ZMIZ1: variants seen among roughly 807,000 people sequenced by gnomAD.
ZMIZ1 encodes the protein zinc finger MIZ domain-containing protein 1.
Under a neutral mutation model 113.9 loss-of-function variants are expected in ZMIZ1, and 17 were observed. The observed-to-expected ratio is 0.15, with a 90% confidence interval of 0.10 to 0.22. The LOEUF is 0.22. ZMIZ1 is among the 10% of genes least tolerant of loss of function. The pLI, the probability that ZMIZ1 is intolerant of heterozygous loss-of-function variation, is 1.00. For missense variants in ZMIZ1, 1,059 were observed against 1,477.8 expected (o/e 0.72, Z 4.65); for synonymous variants, 607 against 603.1 (o/e 1.01, Z -0.09).
Position 79,293,580 on chromosome 10 carries a change from C to T in ZMIZ1, c.1157C>T (p.Pro386Leu), listed in dbSNP as rs777208977. ...TTTGGCACACACGGGCAGCGGATGC[C>T]CCAGCAGACCTACCCGGGCCCCCGG... ...SPFGTHGQRM[P>L]QQTYPGPRPQ... is the part of the protein sequence containing the mutation. The change falls in exon 12 of 25, where the codon CCC becomes CTC. Residue 386 changes from proline to leucine, a missense_variant. Physicochemically the swap from Pro to Leu is moderately conservative, Grantham distance 98. Transcript: ENST00000334512. 1 of 1,613,090 alleles carries T rather than the reference C, an allele frequency of 6.2e-7. No individual in the cohort carries two copies. Among genetic ancestry groups the T allele is most frequent in the Non-Finnish European group, 8.5e-7 (1 of 1,180,010 alleles).
At chr10:79,292,429 G>T in intron 11 of ZMIZ1, 73 bp downstream of exon 11, 1 of 1,556,540 alleles carries the variant, frequency 6.4e-7, no homozygotes, top group Non-Finnish European at 8.7e-7. Context: ...AACCAGAGTT[G>T]GGATGTCAGT....
rs34154193 is a variant in ZMIZ1 at position 79,303,454 on chromosome 10, CAA to C, written c.2126-538_2126-537del. On this transcript the variant is annotated intron_variant, in intron 18 of 24. Coordinates refer to ENST00000334512, the MANE Select transcript of ZMIZ1 (RefSeq NM_020338.4). ...TGGGCAACACAGCCAGACACTGCCA[CAA>C]AAAAAAAAAAAAAAAAAAAAAATTG... is the stretch of plus-strand genomic sequence containing the variant. 8.0e-3 allele frequency among the ~76,000 whole-genome samples: 527 copies of C among 65,878 alleles called. 1 individual carries two copies. Among genetic ancestry groups the C allele is most frequent in the African/African-American group, 0.028 (462 of 16,332 alleles). 43.2% of individuals were successfully genotyped at this position (65,878 alleles called of 152,430 possible).
chr10:79,120,549 CAG>C (rs1844246422), intron 2 of ZMIZ1, among the ~76,000 whole-genome samples: 1 of 152,174 alleles, frequency 6.6e-6, no homozygotes, highest in South Asian at 2.1e-4. Flanking sequence ...GCTTGAGGGC[CAG>C]CCATGTGACT....
At chr10:79,086,624 C>T (rs1002489779) in intron 1 of ZMIZ1, among the ~76,000 whole-genome samples, 4 of 152,214 alleles carry the variant, frequency 2.6e-5, no homozygotes, top group African/African-American at 9.7e-5. Flanking sequence ...AGCGATCCTC[C>T]CACCTCTGCC....
intron 9 of ZMIZ1, 62 bp from the exon 10 acceptor site, chr10:79,290,897 C>T: frequency 2.5e-6 from 4 of 1,581,638 alleles, no homozygotes; most frequent in Non-Finnish European, 3.5e-6. Context: ...TTCATTTATC[C>T]CTCTTCCTCT....
At chr10:79,259,065 C>T (rs752071262) in intron 7 of ZMIZ1, among the ~76,000 whole-genome samples, 5 of 152,142 alleles carry the variant, frequency 3.3e-5, no homozygotes, top group Non-Finnish European at 7.4e-5. Flanking sequence ...CCCAGCCGCC[C>T]GTATTAGTTT....
intron 1 of ZMIZ1, among the ~76,000 whole-genome samples, chr10:79,094,287 C>T (rs1401391890): frequency 6.6e-6 from 1 of 152,220 alleles, no homozygotes; most frequent in East Asian, 1.9e-4. Context: ...ACGGGCGACT[C>T]AGAAGGCCAC....
In ZMIZ1 at chr10:79,314,269, T is replaced by C. The variant is rs763166959; in HGVS notation, c.*1520T>C. Reference sequence around the variant, plus strand: ...CATGGCCTAGGGTGATGCCAGGTTGTCCCGTCACTGGGGTCCCATCTGTAA... The same window carrying C: ...CATGGCCTAGGGTGATGCCAGGTTGCCCCGTCACTGGGGTCCCATCTGTAA... On this transcript the variant is annotated 3_prime_UTR_variant, in exon 25 of 25. Coordinates refer to ENST00000334512, the MANE Select transcript of ZMIZ1 (RefSeq NM_020338.4). 2.2e-5 allele frequency: 10 copies of C among 456,790 alleles called. No individual in the cohort carries two copies. The highest frequency in any genetic ancestry group is 1.4e-4 in the South Asian group (9 of 64,578). The allele number at this position is 456,790 out of a possible 1,614,324, so 28.3% of individuals were successfully genotyped here.
At chr10:79,103,463 G>A (rs1471010063) in intron 1 of ZMIZ1, among the ~76,000 whole-genome samples, 1 of 152,116 alleles carries the variant, frequency 6.6e-6, no homozygotes, top group African/African-American at 2.4e-5. Flanking sequence ...ATGGCAGATG[G>A]CTTGGTTGAG....
intron 4 of ZMIZ1, among the ~76,000 whole-genome samples, chr10:79,193,118 C>CACACCTCTCTGAGCTTCT (rs1470833789): frequency 6.6e-6 from 1 of 152,226 alleles, no homozygotes. Context: ...AGGCAGCTTC[C>CACACCTCTCTGAGCTTCT]ACACCTCTCT....
At chr10:79,233,834 C>T (rs1054603132) in intron 7 of ZMIZ1, among the ~76,000 whole-genome samples, 2 of 152,232 alleles carry the variant, frequency 1.3e-5, no homozygotes, top group African/African-American at 2.4e-5. Flanking sequence ...AGCAGTTTCC[C>T]CTCCTAGCTG....
intron 1 of ZMIZ1, among the ~76,000 whole-genome samples, chr10:79,112,815 A>C (rs1296731442): frequency 6.6e-6 from 1 of 152,128 alleles, no homozygotes; most frequent in East Asian, 1.9e-4. Context: ...ATCTTTCACA[A>C]CTTAGCAAAT....
intron 3 of ZMIZ1, among the ~76,000 whole-genome samples, chr10:79,149,166 T>C (rs1043980772): frequency 6.6e-6 from 1 of 152,214 alleles, no homozygotes; most frequent in Non-Finnish European, 1.5e-5. Context: ...TCTCTGTCCC[T>C]GTCCCTGGGG....
chr10:79,175,354 G>T (rs1312936190), intron 4 of ZMIZ1, among the ~76,000 whole-genome samples: 2 of 152,168 alleles, frequency 1.3e-5, no homozygotes, highest in Non-Finnish European at 2.9e-5. Flanking sequence ...TTCTGTGTGT[G>T]GGCCTCCTCT....
intron 21 of ZMIZ1, 25 bp downstream of exon 21, chr10:79,305,626 A>AG (rs756625807): frequency 9.8e-7 from 1 of 1,015,938 alleles, no homozygotes; most frequent in Middle Eastern, 2.3e-4. Flanking sequence ...AGCGAGGGGC[A>AG]GGGGGTGGGA....
chr10:79,292,201 C>T lies in ZMIZ1; in HGVS notation c.802C>T (p.Pro268Ser). ...CGCCCCCGCAGGCATGGGCATCCCT[C>T]CGCACACCAGGCCGCCTGCTGACTT... is the stretch of plus-strand genomic sequence containing the variant. ...PNAPAGMGIP[P>S]HTRPPADFTQ... Residue 268 changes from proline to serine, a missense_variant, in exon 11 of 25, where the codon CCG becomes TCG. Pro to Ser is a moderately conservative substitution (Grantham distance 74, BLOSUM62 -1). Coordinates refer to ENST00000334512, the MANE Select transcript of ZMIZ1 (RefSeq NM_020338.4). 6.2e-7 allele frequency: 1 copy of T among 1,612,070 alleles called. No individual in the cohort carries two copies. The highest frequency in any genetic ancestry group is 8.5e-7 in the Non-Finnish European group (1 of 1,179,616).
rs189310578 is a variant in ZMIZ1, at chr10:79,118,454, A to G, written c.-336-461A>G. Among the ~76,000 whole-genome samples, 6 of 152,308 alleles carry G rather than the reference A, an allele frequency of 3.9e-5. No homozygotes were observed. The highest frequency in any genetic ancestry group is 2.1e-4 in the South Asian group (1 of 4,826). Reference sequence around the variant, plus strand: ...GCAAGGTTGGCCAGGCGCACAGCCCACTGGAGATGAACAAGCAAGGAGGGG... The same window carrying G: ...GCAAGGTTGGCCAGGCGCACAGCCCGCTGGAGATGAACAAGCAAGGAGGGG... On this transcript the variant is annotated intron_variant, in intron 1 of 24. Transcript: ENST00000334512. This position sits in a 1 kb window ranked among gnomAD's most constrained non-coding sequence, Gnocchi z 4.1.
intron 2 of ZMIZ1, among the ~76,000 whole-genome samples, chr10:79,125,680 A>G (rs2132349277): frequency 6.6e-6 from 1 of 152,330 alleles, no homozygotes. Context: ...GCAGCAAGTA[A>G]TAGACACTGG....
chr10:79,156,120 AG>A (rs1444545558), intron 3 of ZMIZ1, among the ~76,000 whole-genome samples: 1 of 150,072 alleles, frequency 6.7e-6, no homozygotes, highest in Non-Finnish European at 1.5e-5. Flanking sequence ...TCTGCCAGAT[AG>A]CAGGCATTGT....
Sources: gnomAD v4.1 joint callset for allele counts (sites outside exome capture counted in the v4.1 genomes callset) on GRCh38, gnomAD v4.1.1 for gene constraint, Gnocchi (gnomAD v3.1) non-coding constraint, MANE v1.5 for transcripts, NCBI Gene and HGNC (gene_info 2026-07-23, HGNC 2026-07-21) for gene names.